Variants in PXK observed in about 807,000 individuals in gnomAD.
The protein encoded by PXK is PX domain-containing protein kinase-like protein.
In PXK, 35 loss-of-function variants were observed where a neutral mutation model predicts 84.7. That is an observed-to-expected ratio of 0.41 (90% confidence interval 0.32 to 0.55). PXK has a LOEUF of 0.55. PXK is among the 20% of genes least tolerant of loss of function. The pLI, the probability that PXK is intolerant of heterozygous loss-of-function variation, is 0.21. For synonymous variants in PXK, 253 were observed against 260.8 expected, an observed-to-expected ratio of 0.97 and a Z score of 0.29; for missense variants, 634 against 699.7, an observed-to-expected ratio of 0.91 and a Z score of 1.06.
chr3:58,410,572 T>A (rs2074559291), intron 16 of PXK, among the ~76,000 whole-genome samples: 1 of 152,138 alleles, frequency 6.6e-6, no homozygotes, highest in African/African-American at 2.4e-5. Context: ...CTGTGTGAAT[T>A]AAGGAAAGGA....
Position 58,332,985 on chromosome 3 carries a change from C to T in PXK, c.-4C>T. ...CCTAGGCGGCGGCGGCCGGGCGTCC[C>T]GGGATGGCCTTCATGGAGAAGCCGC... On this transcript the variant is annotated 5_prime_UTR_variant, in exon 1 of 18. Transcript: ENST00000356151. This position sits in a 1 kb window ranked among gnomAD's most constrained non-coding sequence, Gnocchi z 5.6. 8 of 1,360,422 alleles carry T rather than the reference C, an allele frequency of 5.9e-6. No homozygotes were observed. The highest frequency in any genetic ancestry group is 1.4e-5 in the South Asian group (1 of 69,216). The allele number at this position is 1,360,422 out of a possible 1,614,324, so 84.3% of individuals were successfully genotyped here.
intron 17 of PXK, chr3:58,423,430 C>CGT (rs539646675): frequency 6.6e-7 from 1 of 1,522,996 alleles, no homozygotes; most frequent in African/African-American, 1.4e-5. Context: ...AGAGCATGAG[C>CGT]GTGTGTATTT....
intron 17 of PXK, chr3:58,422,060 A>AT (rs1392148367): frequency 1.0e-6 from 1 of 985,202 alleles, no homozygotes; most frequent in Non-Finnish European, 1.2e-6. Context: ...GGTAACTTTC[A>AT]TTTGGCCCTT....
In PXK at chr3:58,412,314, T is replaced by C. The variant is rs969106831; in HGVS notation, c.1466-587T>C. Reference sequence around the variant, plus strand: ...AAGGTTACTAGATCCAGAAAAAGCATGCAACAGGTGGGATTCACATTGTTT... The same window carrying C: ...AAGGTTACTAGATCCAGAAAAAGCACGCAACAGGTGGGATTCACATTGTTT... On this transcript the variant is annotated intron_variant, in intron 16 of 17. Coordinates refer to ENST00000356151, the MANE Select transcript of PXK (RefSeq NM_017771.5). This position sits in a 1 kb window ranked among gnomAD's most constrained non-coding sequence, Gnocchi z 6.2. Among the ~76,000 whole-genome samples the C allele has an allele frequency of 6.6e-6, 1 of 152,084 alleles. No individual in the cohort carries two copies. The highest frequency in any genetic ancestry group is 6.6e-5 in the Admixed American group (1 of 15,250).
chr3:58,343,731 G>T (rs1186937468), intron 1 of PXK, among the ~76,000 whole-genome samples: 4 of 152,124 alleles, frequency 2.6e-5, no homozygotes, highest in Admixed American at 2.0e-4. Flanking sequence ...TTTCAAACTA[G>T]CCCAGTCCCT....
rs34734687 is a variant in PXK, at chr3:58,409,774, G to GAA, written c.1395+164_1395+165dup. On this transcript the variant is annotated intron_variant, in intron 15 of 17. Transcript: ENST00000356151. This position sits in a 1 kb window ranked among gnomAD's most constrained non-coding sequence, Gnocchi z 4.2. ...ATGACTGGGGTGCAGTTTTTTTGGG[G>GAA]AAAAAAAAAGAGTCATATGATAATC... Among the ~76,000 whole-genome samples, 9 of 150,550 alleles carry GAA rather than the reference G, an allele frequency of 6.0e-5. No homozygotes were observed. The highest frequency in any genetic ancestry group is 2.1e-4 in the South Asian group (1 of 4,754).
In PXK at chr3:58,333,519, G is replaced by A; in HGVS notation, c.102+429G>A. On this transcript the variant is annotated intron_variant, in intron 1 of 17. Coordinates refer to ENST00000356151, the MANE Select transcript of PXK (RefSeq NM_017771.5). The surrounding 1 kb of genome is among the most constrained non-coding windows in gnomAD (Gnocchi z 5.4). ...ATTTCCTCCTTGCAGCTGAGGGTCT[G>A]GGTGATGGGGATGAGGGTGTGCCGG... is the stretch of plus-strand genomic sequence containing the variant. 2.2e-6 allele frequency: 1 copy of A among 456,708 alleles called. No homozygotes were observed. The highest frequency in any genetic ancestry group is 1.5e-5 in the South Asian group (1 of 64,570). 28.3% of individuals were successfully genotyped at this position (456,708 alleles called of 1,614,324 possible). A position where few individuals can be genotyped will look rare whatever the true frequency, so the allele number is the denominator to read the frequency against.
At position 58,414,958 on chromosome 3, in the gene PXK, G is replaced by A. The variant is rs1306163539; in HGVS notation, c.1528+1995G>A. 4.6e-5 allele frequency among the ~76,000 whole-genome samples: 7 copies of A among 152,176 alleles called. No homozygotes were observed. Among genetic ancestry groups the A allele is most frequent in the Non-Finnish European group, 8.8e-5 (6 of 68,020 alleles). ...GAGAACCTATGGTTTGCTAAGGACT[G>A]TGCTTGGCCCTGGGTTACAGAAATG... On this transcript the variant is annotated intron_variant, in intron 17 of 17. Coordinates refer to ENST00000356151, the MANE Select transcript of PXK (RefSeq NM_017771.5). The surrounding 1 kb of genome is among the most constrained non-coding windows in gnomAD (Gnocchi z 4.5).
intron 1 of PXK, among the ~76,000 whole-genome samples, chr3:58,347,502 T>C (rs79230576): frequency 0.025 from 3,820 of 152,286 alleles, 161 homozygotes; most frequent in African/African-American, 0.087. Context: ...TATAGTCTTT[T>C]TTTGGTCTGG....
chr3:58,425,077 C>G lies in PXK; in HGVS notation c.*117C>G. On this transcript the variant is annotated 3_prime_UTR_variant, in exon 18 of 18. Coordinates refer to ENST00000356151, the MANE Select transcript of PXK (RefSeq NM_017771.5). The stretch of plus-strand genomic sequence containing the variant: ...TGAGCCAGTACAGCCACAAACAGTA[C>G]TATTTTGCAGATGCTCATGTAAGCA... 1 of 1,422,836 alleles carries G rather than the reference C, an allele frequency of 7.0e-7. No individual in the cohort carries two copies. Among genetic ancestry groups the G allele is most frequent in the Admixed American group, 2.5e-5 (1 of 39,734 alleles). The allele number at this position is 1,422,836 out of a possible 1,614,324, so 88.1% of individuals were successfully genotyped here.
chr3:58,420,593 C>T (rs763308935), intron 17 of PXK: 2 of 1,535,892 alleles, frequency 1.3e-6, no homozygotes, highest in Admixed American at 2.0e-5. Flanking sequence ...GCTGATTTCT[C>T]AGACTTTAAA....
intron 4 of PXK, among the ~76,000 whole-genome samples, chr3:58,389,597 C>T (rs1210972567): frequency 2.6e-5 from 4 of 151,670 alleles, no homozygotes; most frequent in East Asian, 1.9e-4. Context: ...TCGAGATGGG[C>T]GGATCTCTTG....
intron 3 of PXK, among the ~76,000 whole-genome samples, chr3:58,372,964 A>G (rs2098398305): frequency 6.6e-6 from 1 of 152,148 alleles, no homozygotes; most frequent in Non-Finnish European, 1.5e-5. Context: ...GGAAAGAAGC[A>G]GGCTGTTGAA....
chr3:58,361,184 T>A (rs944526681), intron 1 of PXK, among the ~76,000 whole-genome samples: 1 of 150,224 alleles, frequency 6.7e-6, no homozygotes, highest in African/African-American at 2.5e-5. Context: ...TAATCCCAGC[T>A]ACTCGAGAGG....
chr3:58,375,737 C>T (rs1431495197), intron 3 of PXK, among the ~76,000 whole-genome samples: 2 of 152,108 alleles, frequency 1.3e-5, no homozygotes, highest in African/African-American at 4.8e-5. Flanking sequence ...TGTGTGAGCG[C>T]ACCCTGACAT....
intron 1 of PXK, among the ~76,000 whole-genome samples, chr3:58,343,493 T>C (rs150140269): frequency 4.7e-4 from 71 of 152,306 alleles, no homozygotes; most frequent in African/African-American, 1.6e-3. Context: ...TCCCACTCTT[T>C]GGTGAGTGTT....
intron 2 of PXK, among the ~76,000 whole-genome samples, chr3:58,368,660 C>G (rs981280536): frequency 6.6e-6 from 1 of 152,190 alleles, no homozygotes; most frequent in African/African-American, 2.4e-5. Context: ...GTTCAAAGTA[C>G]TTAGCATGCC....
rs1345516570 is a variant in PXK, at chr3:58,416,190, C to T, written c.1528+3227C>T. 1.3e-5 allele frequency among the ~76,000 whole-genome samples: 2 copies of T among 152,116 alleles called. No individual in the cohort carries two copies. The highest frequency in any genetic ancestry group is 4.8e-5 in the African/African-American group (2 of 41,420). On this transcript the variant is annotated intron_variant, in intron 17 of 17. Coordinates refer to ENST00000356151, the MANE Select transcript of PXK (RefSeq NM_017771.5). This position sits in a 1 kb window ranked among gnomAD's most constrained non-coding sequence, Gnocchi z 4.8. The stretch of plus-strand genomic sequence containing the variant: ...ACAACTCAGGGACATATGTTAAGAT[C>T]TTATCTTTAGTTTCTATAGGGCAAG...
rs377744341 is a variant in PXK, at chr3:58,397,638, C to T, written c.1018C>T (p.His340Tyr). The T allele has an allele frequency of 3.8e-5, 61 of 1,613,976 alleles. No homozygotes were observed. The highest frequency in any genetic ancestry group is 1.6e-4 in the Middle Eastern group (1 of 6,084). The stretch of plus-strand genomic sequence containing the variant: ...AAGTGTGGATGTCCACTGCTTTGGC[C>T]ACTTACTGTATGAAATGACTTATGG... ...LESVDVHCFG[H>Y]LLYEMTYGRP... The change falls in exon 11 of 18, where the codon CAC becomes TAC. Residue 340 changes from histidine to tyrosine, a missense_variant. Physicochemically the swap from His to Tyr is moderately conservative, Grantham distance 83. Around this residue, in one of 3 missense-constraint regions of PXK, gnomAD observed 8 missense variants for 30.9 expected, o/e 0.26. Coordinates refer to ENST00000356151, the MANE Select transcript of PXK (RefSeq NM_017771.5). This position sits in a 1 kb window ranked among gnomAD's most constrained non-coding sequence, Gnocchi z 4.7.
Sources: gnomAD v4.1 joint callset for allele counts (sites outside exome capture counted in the v4.1 genomes callset) on GRCh38, gnomAD v4.1.1 for gene constraint, gnomAD v4.1.1 regional missense constraint, Gnocchi (gnomAD v3.1) non-coding constraint, MANE v1.5 for transcripts, NCBI Gene and HGNC (gene_info 2026-07-23, HGNC 2026-07-21) for gene names.